The following NRG1 variants were observed in gnomAD, a reference collection of about 807,000 sequenced individuals.
NRG1 encodes pro-neuregulin-1, membrane-bound isoform.
NRG1 carries 18 observed loss-of-function variants against 63.8 expected under a neutral mutation model. That is an observed-to-expected ratio of 0.28 (90% CI 0.19 to 0.42). NRG1 has a LOEUF of 0.42. NRG1 is among the 10% of genes least tolerant of loss of function. The pLI is 1.00. For missense variants in NRG1, 762 were observed against 814.7 expected (o/e 0.94, Z 0.79); for synonymous variants, 302 against 301.3 (o/e 1.00, Z -0.02).
intron 1 of NRG1, among the ~76,000 whole-genome samples, chr8:32,534,689 A>G (rs1025801603): frequency 6.6e-6 from 1 of 152,164 alleles, no homozygotes; most frequent in African/African-American, 2.4e-5. Flanking sequence ...AGTTCTGTCT[A>G]TAGAAACACT....
intron 1 of NRG1, among the ~76,000 whole-genome samples, chr8:32,240,478 C>T (rs892774247): frequency 6.6e-6 from 1 of 152,032 alleles, no homozygotes; most frequent in Non-Finnish European, 1.5e-5. Flanking sequence ...ATTCTGTATC[C>T]TCATTGCTGG....
Position 32,277,592 on chromosome 8 carries a change from A to G in NRG1, c.38-318236A>G, listed in dbSNP as rs567425712. ...TAATTTTCTTGATAAACCTTCCTAA[A>G]TATCTTTAAATTTCACTGATCTAAT... On this transcript the variant is annotated intron_variant, in intron 1 of 10. Transcript: ENST00000519301. Among the ~76,000 whole-genome samples, 2 of 152,304 alleles carry G rather than the reference A, an allele frequency of 1.3e-5. 1 individual carries two copies. The highest frequency in any genetic ancestry group is 4.1e-4 in the South Asian group (2 of 4,828).
At chr8:32,056,945 G>C (rs1193581834) in intron 1 of NRG1, among the ~76,000 whole-genome samples, 1 of 152,176 alleles carries the variant, frequency 6.6e-6, no homozygotes, top group Non-Finnish European at 1.5e-5. Flanking sequence ...TTTAGCATTA[G>C]TGAGTAGACT....
intron 1 of NRG1, among the ~76,000 whole-genome samples, chr8:32,362,368 A>G (rs1467326188): frequency 6.6e-6 from 1 of 152,178 alleles, no homozygotes; most frequent in Non-Finnish European, 1.5e-5. Flanking sequence ...TACTTTTTAC[A>G]TTTTCTACAT....
chr8:32,400,058 C>A (rs1316607735), intron 1 of NRG1, among the ~76,000 whole-genome samples: 1 of 152,108 alleles, frequency 6.6e-6, no homozygotes, highest in Non-Finnish European at 1.5e-5. Flanking sequence ...GTACCAATAC[C>A]AGTTTCTTGG....
intron 1 of NRG1, among the ~76,000 whole-genome samples, chr8:31,829,606 A>G (rs1824910523): frequency 6.6e-6 from 1 of 152,222 alleles, no homozygotes; most frequent in African/African-American, 2.4e-5. Flanking sequence ...AAAGCTGGGG[A>G]CGATACTCTG....
At chr8:32,533,794 A>T (rs1831692287) in intron 1 of NRG1, among the ~76,000 whole-genome samples, 1 of 152,090 alleles carries the variant, frequency 6.6e-6, no homozygotes, top group African/African-American at 2.4e-5. Flanking sequence ...AGAACTTATC[A>T]CATGTTTATG....
At chr8:32,190,518 G>A (rs1354723085) in intron 1 of NRG1, among the ~76,000 whole-genome samples, 1 of 152,092 alleles carries the variant, frequency 6.6e-6, no homozygotes, top group African/African-American at 2.4e-5. Flanking sequence ...CACACATAGT[G>A]CTCTCAACTC....
intron 5 of NRG1, among the ~76,000 whole-genome samples, chr8:32,693,295 T>C (rs1419599225): frequency 6.6e-6 from 1 of 151,016 alleles, no homozygotes; most frequent in Non-Finnish European, 1.5e-5. Flanking sequence ...CTCGGCGCAC[T>C]GCAACCTCCG....
chr8:32,664,328 G>A (rs918334904), intron 5 of NRG1, among the ~76,000 whole-genome samples: 13 of 151,974 alleles, frequency 8.6e-5, no homozygotes, highest in Non-Finnish European at 7.4e-5. Flanking sequence ...AAGGAATAAG[G>A]CTAAGAAGGA....
At chr8:31,779,120 T>C (rs1308144114) in intron 1 of NRG1, among the ~76,000 whole-genome samples, 2 of 152,134 alleles carry the variant, frequency 1.3e-5, no homozygotes, top group Non-Finnish European at 2.9e-5. Context: ...CTTTTCATCA[T>C]CTGTTTGATC....
chr8:32,249,486 C>A (rs1393907764), intron 1 of NRG1, among the ~76,000 whole-genome samples: 1 of 152,076 alleles, frequency 6.6e-6, no homozygotes, highest in Admixed American at 6.6e-5. Flanking sequence ...AACAGACAAA[C>A]AGAAAAGCGT....
At chr8:32,355,644 AAGAC>A (rs1806279977) in intron 1 of NRG1, among the ~76,000 whole-genome samples, 1 of 149,378 alleles carries the variant, frequency 6.7e-6, no homozygotes, top group Non-Finnish European at 1.5e-5. Flanking sequence ...ATAAAGAAAA[AAGAC>A]AGGGATGGAG....
chr8:32,617,113 G>A (rs1847511501), intron 5 of NRG1, among the ~76,000 whole-genome samples: 1 of 152,108 alleles, frequency 6.6e-6, no homozygotes, highest in African/African-American at 2.4e-5. Context: ...CACCACAAAT[G>A]TATCAGTTTT....
chr8:32,338,755 C>T (rs912393592), intron 1 of NRG1, among the ~76,000 whole-genome samples: 1 of 152,128 alleles, frequency 6.6e-6, no homozygotes, highest in Non-Finnish European at 1.5e-5. Context: ...TAAATGTTTA[C>T]CACTTGGCAA....
At chr8:31,898,078 C>T (rs1474537901) in intron 1 of NRG1, among the ~76,000 whole-genome samples, 1 of 151,482 alleles carries the variant, frequency 6.6e-6, no homozygotes, top group East Asian at 1.9e-4. Context: ...TCACACCTTG[C>T]CACTTCAAAT....
chr8:31,807,948 CGTGT>C (rs71208141), intron 1 of NRG1, among the ~76,000 whole-genome samples: 31,539 of 136,944 alleles, frequency 0.23, 4,012 homozygotes, highest in East Asian at 0.67. Context: ...AGAGTATTCG[CGTGT>C]GTGTGTGTGT....
chr8:32,032,317 G>T (rs977799321), intron 1 of NRG1, among the ~76,000 whole-genome samples: 4 of 151,632 alleles, frequency 2.6e-5, no homozygotes, highest in African/African-American at 9.7e-5. Context: ...CTGGAGTGGT[G>T]CAGTGGCACC....
chr8:32,270,332 T>C (rs1851416859), intron 1 of NRG1, among the ~76,000 whole-genome samples: 1 of 152,214 alleles, frequency 6.6e-6, no homozygotes, highest in Non-Finnish European at 1.5e-5. Flanking sequence ...GTAGAGTTGC[T>C]GTGGAATTGT....
Sources: allele counts gnomAD v4.1 joint callset (sites outside exome capture counted in the v4.1 genomes callset), GRCh38; gene constraint gnomAD v4.1.1; transcripts MANE v1.5; gene names NCBI Gene and HGNC (gene_info 2026-07-23, HGNC 2026-07-21).